MLLT3: variants seen among roughly 807,000 people sequenced by gnomAD.
The protein encoded by MLLT3 is MLLT3 super elongation complex subunit, also known as protein AF-9.
Under a neutral mutation model 53.2 loss-of-function variants are expected in MLLT3, and 4 were observed. The observed-to-expected ratio is 0.08, with a 90% confidence interval of 0.04 to 0.17. The LOEUF (loss-of-function observed/expected upper bound fraction) is 0.17, where lower values mean the gene tolerates loss of function less well. Among genes scored for constraint, MLLT3 ranks in the 10% least tolerant of loss-of-function variants. The pLI, the probability that MLLT3 is intolerant of heterozygous loss-of-function variation, is 1.00. For missense variants in MLLT3, 569 were observed against 684.0 expected (o/e 0.83, Z 1.87); for synonymous variants, 283 against 230.6 (o/e 1.23, Z -2.06).
chr9:20,403,692 A>C (rs529158570), intron 5 of MLLT3, among the ~76,000 whole-genome samples: 9 of 152,230 alleles, frequency 5.9e-5, no homozygotes, highest in Non-Finnish European at 1.3e-4. Context: ...TCTGAGGCTC[A>C]CTTTAAATTA....
At chr9:20,567,328 A>T (rs908915304) in intron 2 of MLLT3, among the ~76,000 whole-genome samples, 2 of 134,502 alleles carry the variant, frequency 1.5e-5, no homozygotes. Context: ...AAAAAAAAAA[A>T]CACAAACGAT....
intron 2 of MLLT3, among the ~76,000 whole-genome samples, chr9:20,460,820 A>C (rs536118801): frequency 6.6e-6 from 1 of 152,354 alleles, no homozygotes; most frequent in African/African-American, 2.4e-5. Context: ...ACTCGCTACA[A>C]TCAACATAAA....
intron 2 of MLLT3, among the ~76,000 whole-genome samples, chr9:20,478,884 TCCATCTC>T (rs1237793448): frequency 1.3e-5 from 2 of 152,040 alleles, no homozygotes; most frequent in Non-Finnish European, 2.9e-5. Flanking sequence ...GAGGTGAAGT[TCCATCTC>T]CAGAAACTTC....
At chr9:20,534,748 T>A (rs1359083472) in intron 2 of MLLT3, among the ~76,000 whole-genome samples, 1 of 151,928 alleles carries the variant, frequency 6.6e-6, no homozygotes, top group Non-Finnish European at 1.5e-5. Flanking sequence ...TAGCTGGGCG[T>A]GGTGGCAGGC....
At chr9:20,365,539 A>T (rs1821428591) in intron 6 of MLLT3, 130 bp downstream of exon 6, 1 of 1,061,622 alleles carries the variant, frequency 9.4e-7, no homozygotes, top group South Asian at 1.5e-5. Context: ...TTTACTAAAC[A>T]CGGTTTCACC....
At position 20,345,496 on chromosome 9, in the gene MLLT3, CT is replaced by C. The variant is rs997770541; in HGVS notation, c.*946del. The C allele has an allele frequency of 3.0e-4, 60 of 198,252 alleles. No homozygotes were observed. Among genetic ancestry groups the C allele is most frequent in the East Asian group, 4.7e-4 (6 of 12,756 alleles). 12.3% of individuals were successfully genotyped at this position (198,252 alleles called of 1,614,324 possible). A position where few individuals can be genotyped will look rare whatever the true frequency, so the allele number is the denominator to read the frequency against. ...TTTTTTAGAAAACAGGACCAGAATTCTTTTTTTTTAAATGATGATCCTGTGG... is the reference window on the plus strand; with the variant it reads ...TTTTTTAGAAAACAGGACCAGAATTCTTTTTTTTAAATGATGATCCTGTGG... On this transcript the variant is annotated 3_prime_UTR_variant, in exon 11 of 11. Transcript: ENST00000380338.
chr9:20,437,845 A>G (rs995042545), intron 4 of MLLT3, among the ~76,000 whole-genome samples: 14 of 152,204 alleles, frequency 9.2e-5, no homozygotes, highest in African/African-American at 1.4e-4. Context: ...AAAAAACAAT[A>G]AATAACTATC....
intron 4 of MLLT3, among the ~76,000 whole-genome samples, chr9:20,420,702 GT>G (rs555160006): frequency 2.0e-5 from 3 of 150,884 alleles, no homozygotes; most frequent in Admixed American, 6.6e-5. Context: ...TTTCTATCTC[GT>G]TTTTTTTTAT....
At position 20,621,747 on chromosome 9, in the gene MLLT3, A is replaced by C; in HGVS notation, c.12+498T>G. 6.7e-7 allele frequency: 1 copy of C among 1,489,562 alleles called. No homozygotes were observed. The highest frequency in any genetic ancestry group is 8.9e-7 in the Non-Finnish European group (1 of 1,127,410). The allele number at this position is 1,489,562 out of a possible 1,614,324, so 92.3% of individuals were successfully genotyped here. Reference sequence around the variant, plus strand: ...CTGTCAGCCCCGCACACTTCGGCTCACACACGCGCGCCGCGGAGAACGCAC... The same window carrying C: ...CTGTCAGCCCCGCACACTTCGGCTCCCACACGCGCGCCGCGGAGAACGCAC... On this transcript the variant is annotated intron_variant, in intron 1 of 10. Transcript: ENST00000380338. The surrounding 1 kb of genome is among the most constrained non-coding windows in gnomAD (Gnocchi z 7.0).
chr9:20,506,064 T>G lies in MLLT3; in HGVS notation c.194-49278A>C, dbSNP rs1392621972. 1.5e-4 allele frequency among the ~76,000 whole-genome samples: 22 copies of G among 142,434 alleles called. No homozygotes were observed. In the East Asian group the frequency reaches 4.0e-3, roughly 26 times the overall value. The allele number at this position is 142,434 out of a possible 152,430, so 93.4% of individuals were successfully genotyped here. On this transcript the variant is annotated intron_variant, in intron 2 of 10. Coordinates refer to ENST00000380338, the MANE Select transcript of MLLT3 (RefSeq NM_004529.4). ...TGTTTAAAAGTCACCAGCCCTGCTC[T>G]TTCTTTTTTTCTCTCTTTTTTTTTT...
chr9:20,360,735 A>T lies in MLLT3; in HGVS notation c.1431+7T>A. 1 of 1,612,102 alleles carries T rather than the reference A, an allele frequency of 6.2e-7. No homozygotes were observed. On this transcript the variant is annotated splice_region_variant and intron_variant, in intron 8 of 10. Coordinates refer to ENST00000380338, the MANE Select transcript of MLLT3 (RefSeq NM_004529.4). ...GAGTCTTGCAAAGTGCAAACCCCAC[A>T]ATTTACCTGGTTGTTGTTGGTTTTT...
chr9:20,615,993 C>G (rs569300321), intron 2 of MLLT3, among the ~76,000 whole-genome samples: 1 of 151,902 alleles, frequency 6.6e-6, no homozygotes, highest in East Asian at 1.9e-4. Context: ...AGGTTACTAC[C>G]TTTAGACAAA....
At chr9:20,445,647 T>C (rs769511177) in intron 4 of MLLT3, among the ~76,000 whole-genome samples, 8 of 152,166 alleles carry the variant, frequency 5.3e-5, no homozygotes, top group Non-Finnish European at 1.2e-4. Flanking sequence ...TCTATGTACT[T>C]TTAGTTTAAA....
intron 4 of MLLT3, among the ~76,000 whole-genome samples, chr9:20,436,092 T>G (rs1457802132): frequency 1.3e-5 from 2 of 152,212 alleles, no homozygotes; most frequent in Non-Finnish European, 2.9e-5. Flanking sequence ...CCCCATGGCT[T>G]ACTTGTATCT....
chr9:20,427,144 G>A (rs1823158454), intron 4 of MLLT3, among the ~76,000 whole-genome samples: 1 of 151,938 alleles, frequency 6.6e-6, no homozygotes, highest in South Asian at 2.1e-4. Context: ...GAGGTAAAAG[G>A]ACCTTAAAGA....
At chr9:20,548,338 T>C (rs947285682) in intron 2 of MLLT3, among the ~76,000 whole-genome samples, 5 of 152,214 alleles carry the variant, frequency 3.3e-5, no homozygotes, top group Admixed American at 3.3e-4. Flanking sequence ...ATGATGGCTC[T>C]CGTAGTATCT....
At chr9:20,561,391 G>T (rs976037951) in intron 2 of MLLT3, among the ~76,000 whole-genome samples, 1 of 151,984 alleles carries the variant, frequency 6.6e-6, no homozygotes. Flanking sequence ...AAATAAATTC[G>T]TGTAATTAAA....
chr9:20,542,641 C>T (rs930065970), intron 2 of MLLT3, among the ~76,000 whole-genome samples: 5 of 152,060 alleles, frequency 3.3e-5, no homozygotes, highest in East Asian at 1.9e-4. Flanking sequence ...GTGCTGTCAT[C>T]CAAGCTTTGC....
chr9:20,343,181 G>A lies in MLLT3; in HGVS notation c.*3262C>T, dbSNP rs1470876119. 43 of 30,600 alleles carry A rather than the reference G, an allele frequency of 1.4e-3. No individual in the cohort carries two copies. Among genetic ancestry groups the A allele is most frequent in the Admixed American group, 3.5e-3 (6 of 1,734 alleles). The allele number at this position is 30,600 out of a possible 1,614,324, so 1.9% of individuals were successfully genotyped here. ...ATTAGGTGGGCCTGTAAAAGATATCGGCAAAAAAAAAAAAAAAAAAAAAAA... is the reference window on the plus strand; with the variant it reads ...ATTAGGTGGGCCTGTAAAAGATATCAGCAAAAAAAAAAAAAAAAAAAAAAA... On this transcript the variant is annotated 3_prime_UTR_variant, in exon 11 of 11. Transcript: ENST00000380338.
Sources: allele counts gnomAD v4.1 joint callset (sites outside exome capture counted in the v4.1 genomes callset), GRCh38; gene constraint gnomAD v4.1.1; non-coding constraint Gnocchi (gnomAD v3.1); transcripts MANE v1.5; gene names NCBI Gene and HGNC (gene_info 2026-07-23, HGNC 2026-07-21).